Variants in OR10G8 observed in about 807,000 individuals in gnomAD.
OR10G8 encodes olfactory receptor 10G8.
For missense variants in OR10G8, 386 were observed against 384.9 expected (o/e 1.00, Z -0.02); for synonymous variants, 173 against 163.2 (o/e 1.06, Z -0.46).
At position 124,029,928 on chromosome 11, in the gene OR10G8, C is replaced by G; in HGVS notation, c.306C>G (p.Phe102Leu). 6.2e-7 allele frequency: 1 copy of G among 1,613,970 alleles called. No individual in the cohort carries two copies. Among genetic ancestry groups the G allele is most frequent in the South Asian group, 1.1e-5 (1 of 91,076 alleles). Residue 102 changes from phenylalanine to leucine, a missense_variant, in exon 2 of 2, where the codon TTC (phenylalanine) becomes TTG (leucine). Transcript: ENST00000641224. ...SFHSCMAQLY[F>L]FHFLGGTECF... ...ACAGCTGCATGGCTCAGCTCTATTTCTTTCACTTCCTAGGGGGCACCGAGT... is the reference window on the plus strand; with the variant it reads ...ACAGCTGCATGGCTCAGCTCTATTTGTTTCACTTCCTAGGGGGCACCGAGT...
chr11:124,029,648 C>A lies in OR10G8; in HGVS notation c.26C>A (p.Ala9Glu). The change falls in exon 2 of 2, where the codon GCG becomes GAG. Residue 9 changes from alanine to glutamate, a missense_variant. Coordinates refer to ENST00000641224, the MANE Select transcript of OR10G8 (RefSeq NM_001004464.2). The stretch of plus-strand genomic sequence containing the variant: ...ATGTCCAACGCCAGCCTACTGACAG[C>A]GTTCATCCTCATGGGCCTTCCCCAT... Reference protein sequence around the residue: MSNASLLTAFILMGLPHAP... With the variant: MSNASLLTEFILMGLPHAP... 6.2e-7 allele frequency: 1 copy of A among 1,613,900 alleles called. No homozygotes were observed. The highest frequency in any genetic ancestry group is 1.3e-5 in the African/African-American group (1 of 75,028).
chr11:124,029,833 T>A lies in OR10G8; in HGVS notation c.211T>A (p.Phe71Ile). Residue 71 changes from phenylalanine to isoleucine, a missense_variant, in exon 2 of 2, where the codon TTC (phenylalanine) becomes ATC (isoleucine). Physicochemically the swap from Phe to Ile is conservative, Grantham distance 21. Transcript: ENST00000641224. Reference sequence around the variant, plus strand: ...CAACCTGTCGTTCATTGACATGTGGTTCTCCACTGTCACGGTGCCCAAATT... The same window carrying A: ...CAACCTGTCGTTCATTGACATGTGGATCTCCACTGTCACGGTGCCCAAATT... ...LTNLSFIDMW[F>I]STVTVPKLLM... 1 of 1,614,178 alleles carries A rather than the reference T, an allele frequency of 6.2e-7. No homozygotes were observed. The highest frequency in any genetic ancestry group is 8.5e-7 in the Non-Finnish European group (1 of 1,180,034).
In OR10G8 at chr11:124,030,416, A is replaced by G; in HGVS notation, c.794A>G (p.Lys265Arg). Residue 265 changes from lysine to arginine, a missense_variant, in exon 2 of 2, where the codon AAA becomes AGA. Coordinates refer to ENST00000641224, the MANE Select transcript of OR10G8 (RefSeq NM_001004464.2). The stretch of plus-strand genomic sequence containing the variant: ...ATTTACCTGAGGCCAGGCTCCAGGA[A>G]AGCTGTGGATGGAGTTGTGGCCGTT... ...LFIYLRPGSR[K>R]AVDGVVAVFY... is the part of the protein sequence containing the mutation. 9 of 1,614,142 alleles carry G rather than the reference A, an allele frequency of 5.6e-6. No homozygotes were observed. Among genetic ancestry groups the G allele is most frequent in the Non-Finnish European group, 7.6e-6 (9 of 1,180,016 alleles).
rs751705300 is a variant in OR10G8 at position 124,029,627 on chromosome 11, C to T, written c.5C>T (p.Ser2Phe). The change falls in exon 2 of 2, where the codon TCC becomes TTC. Residue 2 changes from serine (S) to phenylalanine (F), a missense_variant. By Grantham distance (155) the Ser-to-Phe change is radical (BLOSUM62 -2). Coordinates refer to ENST00000641224, the MANE Select transcript of OR10G8 (RefSeq NM_001004464.2). ...AGAGACCAAGGGTGAGAAGAAATGT[C>T]CAACGCCAGCCTACTGACAGCGTTC... M[S>F]NASLLTAFIL... is the part of the protein sequence containing the mutation. The T allele has an allele frequency of 6.2e-7, 1 of 1,613,116 alleles. No individual in the cohort carries two copies. The highest frequency in any genetic ancestry group is 2.2e-5 in the East Asian group (1 of 44,838).
chr11:124,028,287 G>A (rs973504090), intron 1 of OR10G8, among the ~76,000 whole-genome samples: 2 of 152,112 alleles, frequency 1.3e-5, no homozygotes, highest in African/African-American at 4.8e-5. Context: ...TGGGGGCAGG[G>A]GACAGTTATG....
chr11:124,030,602 G>A lies in OR10G8; in HGVS notation c.*44G>A, dbSNP rs1864150695. ...TATCTTAGCTCTTGTGAATAGTGCTGTGAAAAACATACAGGGGCAGGTATC... is the reference window on the plus strand; with the variant it reads ...TATCTTAGCTCTTGTGAATAGTGCTATGAAAAACATACAGGGGCAGGTATC... On this transcript the variant is annotated 3_prime_UTR_variant, in exon 2 of 2. Transcript: ENST00000641224. 4 of 1,447,826 alleles carry A rather than the reference G, an allele frequency of 2.8e-6. No individual in the cohort carries two copies. The South Asian group carries it at 5.6e-5, about 20-fold the overall frequency. 89.7% of individuals were successfully genotyped at this position (1,447,826 alleles called of 1,614,324 possible).
At chr11:124,029,157 A>G (rs1044121396) in intron 1 of OR10G8, among the ~76,000 whole-genome samples, 18 of 152,172 alleles carry the variant, frequency 1.2e-4, no homozygotes, top group Non-Finnish European at 1.6e-4. Flanking sequence ...TAAAACTGCA[A>G]GGAACCGAAT....
Position 124,030,573 on chromosome 11 carries a change from T to C in OR10G8, c.*15T>C. On this transcript the variant is annotated 3_prime_UTR_variant, in exon 2 of 2. Transcript: ENST00000641224. ...AGAGCAAATAGACACTAGGGAAGAT[T>C]ACATATCTTAGCTCTTGTGAATAGT... 1 of 1,543,234 alleles carries C rather than the reference T, an allele frequency of 6.5e-7. No individual in the cohort carries two copies. Among genetic ancestry groups the C allele is most frequent in the Non-Finnish European group, 8.7e-7 (1 of 1,145,832 alleles).
At chr11:124,027,331 C>A (rs12418877) in intron 1 of OR10G8, among the ~76,000 whole-genome samples, 6,434 of 152,202 alleles carry the variant, frequency 0.042, 317 homozygotes, top group East Asian at 0.14. Context: ...TTCCTTCTTT[C>A]CTTTATGTCA....
In OR10G8 at chr11:124,030,124, T is replaced by C. The variant is rs1410502726; in HGVS notation, c.502T>C (p.Cys168Arg). 5 of 1,614,020 alleles carry C rather than the reference T, an allele frequency of 3.1e-6. No individual in the cohort carries two copies. The highest frequency in any genetic ancestry group is 4.2e-6 in the Non-Finnish European group (5 of 1,179,898). ...QAILTFHLPYCGPNWIQHYLC... is the reference protein window; with the variant it reads ...QAILTFHLPYRGPNWIQHYLC... The stretch of plus-strand genomic sequence containing the variant: ...CATATTGACTTTCCATTTGCCCTAC[T>C]GTGGACCCAACTGGATCCAGCACTA... Residue 168 changes from cysteine (C) to arginine (R), a missense_variant, in exon 2 of 2, where the codon TGT becomes CGT. Coordinates refer to ENST00000641224, the MANE Select transcript of OR10G8 (RefSeq NM_001004464.2).
chr11:124,029,688 C>T lies in OR10G8; in HGVS notation c.66C>T (p.Asp22=), dbSNP rs77692488. 73 of 1,613,950 alleles carry T rather than the reference C, an allele frequency of 4.5e-5. No homozygotes were observed. Among genetic ancestry groups the T allele is most frequent in the South Asian group, 5.5e-5 (5 of 91,070 alleles). ...GCCTTCCCCATGCCCCAGCGCTGGA[C>T]GCCCCCCTCTTTGGAGTCTTCCTGG... The part of the protein sequence containing the change: ...LMGLPHAPAL[D]APLFGVFLVV... The change falls in exon 2 of 2, where the codon GAC becomes GAT. Residue 22 remains aspartate, a synonymous_variant. Transcript: ENST00000641224.
At chr11:124,028,162 G>C (rs1387304012) in intron 1 of OR10G8, among the ~76,000 whole-genome samples, 3 of 152,168 alleles carry the variant, frequency 2.0e-5, no homozygotes, top group Non-Finnish European at 4.4e-5. Context: ...TAGAAACCTA[G>C]GGTAGAAGGA....
Position 124,030,491 on chromosome 11 carries a change from G to A in OR10G8, c.869G>A (p.Arg290Lys). The change falls in exon 2 of 2, where the codon AGG becomes AAG. Residue 290 changes from arginine (R) to lysine (K), a missense_variant. Transcript: ENST00000641224. ...PLLNPVVYTL[R>K]NKEVKKALLK... is the part of the protein sequence containing the mutation. ...CTCAACCCTGTTGTGTACACCCTGA[G>A]GAACAAGGAGGTGAAGAAAGCTCTG... The A allele has an allele frequency of 1.2e-6, 2 of 1,610,200 alleles. No individual in the cohort carries two copies. Among genetic ancestry groups the A allele is most frequent in the East Asian group, 2.2e-5 (1 of 44,880 alleles).
Position 124,029,601 on chromosome 11 carries a change from G to A in OR10G8, c.-22G>A. 1 of 1,606,106 alleles carries A rather than the reference G, an allele frequency of 6.2e-7. No homozygotes were observed. The highest frequency in any genetic ancestry group is 8.5e-7 in the Non-Finnish European group (1 of 1,174,362). On this transcript the variant is annotated 5_prime_UTR_variant, in exon 2 of 2. Transcript: ENST00000641224. The stretch of plus-strand genomic sequence containing the variant: ...GGTGCTCTTTATATTCCCAGAGGGA[G>A]AGAGACCAAGGGTGAGAAGAAATGT...
intron 1 of OR10G8, among the ~76,000 whole-genome samples, chr11:124,028,467 G>A (rs2137563020): frequency 6.6e-6 from 1 of 152,258 alleles, no homozygotes; most frequent in South Asian, 2.1e-4. Flanking sequence ...AGAAGACCTA[G>A]CTCTTAGATT....
chr11:124,027,935 A>C (rs1374209525), intron 1 of OR10G8, among the ~76,000 whole-genome samples: 1 of 152,130 alleles, frequency 6.6e-6, no homozygotes, highest in African/African-American at 2.4e-5. Flanking sequence ...ATTATACAGA[A>C]TCCCAGCTTC....
chr11:124,030,434 T>C lies in OR10G8; in HGVS notation c.812T>C (p.Val271Ala), dbSNP rs1351584520. ...TCCAGGAAAGCTGTGGATGGAGTTGTGGCCGTTTTCTACACTGTGCTGACG... is the reference window on the plus strand; with the variant it reads ...TCCAGGAAAGCTGTGGATGGAGTTGCGGCCGTTTTCTACACTGTGCTGACG... ...PGSRKAVDGV[V>A]AVFYTVLTPL... The change falls in exon 2 of 2, where the codon GTG becomes GCG. Residue 271 changes from valine (V) to alanine (A), a missense_variant. By Grantham distance (64) the Val-to-Ala change is moderately conservative. Transcript: ENST00000641224. The C allele has an allele frequency of 3.7e-6, 6 of 1,614,130 alleles. No individual in the cohort carries two copies. The highest frequency in any genetic ancestry group is 1.7e-5 in the Admixed American group (1 of 60,010).
In OR10G8 at chr11:124,030,015, C is replaced by T. The variant is rs543177104; in HGVS notation, c.393C>T (p.Tyr131=). ...RYLAISYPLR[Y]TSMMTGRSCT... is the part of the protein sequence containing the mutation. Reference sequence around the variant, plus strand: ...TGGCCATCAGTTACCCGCTCAGGTACACCAGCATGATGACTGGGCGCTCGT... The same window carrying T: ...TGGCCATCAGTTACCCGCTCAGGTATACCAGCATGATGACTGGGCGCTCGT... The change falls in exon 2 of 2, where the codon TAC becomes TAT. Residue 131 remains tyrosine, a synonymous_variant. Coordinates refer to ENST00000641224, the MANE Select transcript of OR10G8 (RefSeq NM_001004464.2). 1.2e-6 allele frequency: 2 copies of T among 1,614,186 alleles called. No individual in the cohort carries two copies. The highest frequency in any genetic ancestry group is 2.7e-5 in the African/African-American group (2 of 75,044).
Position 124,029,864 on chromosome 11 carries a change from T to G in OR10G8, c.242T>G (p.Met81Arg). The change falls in exon 2 of 2, where the codon ATG becomes AGG. Residue 81 changes from methionine (M) to arginine (R), a missense_variant. Physicochemically the swap from Met to Arg is moderately conservative, Grantham distance 91 (BLOSUM62 -1). Transcript: ENST00000641224. ...FSTVTVPKLL[M>R]TLVFPSGRAI... The stretch of plus-strand genomic sequence containing the variant: ...ACTGTCACGGTGCCCAAATTGCTGA[T>G]GACTTTGGTGTTCCCAAGTGGCAGG... The G allele has an allele frequency of 1.2e-6, 2 of 1,614,188 alleles. No individual in the cohort carries two copies. Among genetic ancestry groups the G allele is most frequent in the Non-Finnish European group, 1.7e-6 (2 of 1,180,038 alleles).
Sources: allele counts gnomAD v4.1 joint callset (sites outside exome capture counted in the v4.1 genomes callset), GRCh38; gene constraint gnomAD v4.1.1; transcripts MANE v1.5; gene names NCBI Gene and HGNC (gene_info 2026-07-23, HGNC 2026-07-21).